The following CEP295 variants were observed in gnomAD, a reference collection of about 807,000 sequenced individuals.
The protein encoded by CEP295 is centrosomal protein 295, also known as centrosomal protein of 295 kDa.
In CEP295, 190 loss-of-function variants were observed where a neutral mutation model predicts 291.6. That is an observed-to-expected ratio of 0.65 (90% CI 0.58 to 0.73). The LOEUF is 0.73. Ranked by LOEUF, CEP295 falls within the 30% of genes least tolerant of loss-of-function variation. The pLI is 0.00. For synonymous variants in CEP295, 993 were observed against 1,038.8 expected (o/e 0.96, Z 0.85); for missense variants, 2,863 against 2,949.4 (o/e 0.97, Z 0.68).
intron 10 of CEP295, among the ~76,000 whole-genome samples, chr11:93,690,193 C>T (rs948683344): frequency 4.6e-5 from 7 of 152,172 alleles, no homozygotes; most frequent in Non-Finnish European, 7.3e-5. Context: ...GGGCAGATGA[C>T]GAGGTCAGGA....
At chr11:93,692,200 C>G (rs1477605951) in intron 12 of CEP295, among the ~76,000 whole-genome samples, 170 bp downstream of exon 12, 1 of 152,212 alleles carries the variant, frequency 6.6e-6, no homozygotes, top group Non-Finnish European at 1.5e-5. Flanking sequence ...TTTGCCCATA[C>G]TGCTCATTCA....
intron 7 of CEP295, among the ~76,000 whole-genome samples, chr11:93,682,067 T>G (rs1463968911): frequency 6.6e-6 from 1 of 152,088 alleles, no homozygotes. Context: ...TCAAACAACT[T>G]TAGATAATTA....
chr11:93,668,711 G>A (rs1406057977), intron 3 of CEP295, 97 bp from the exon 4 acceptor site: 2 of 906,326 alleles, frequency 2.2e-6, no homozygotes, highest in African/African-American at 3.4e-5. Flanking sequence ...TATGTAGAAA[G>A]AAGATGACAA....
At chr11:93,728,959 A>G (rs1325782255) in intron 25 of CEP295, 138 bp downstream of exon 25, 2 of 697,016 alleles carry the variant, frequency 2.9e-6, no homozygotes, top group Non-Finnish European at 4.6e-6. Context: ...CCAGCTCTCA[A>G]TTTGTCTTAA....
At position 93,696,820 on chromosome 11, in the gene CEP295, G is replaced by C. The variant is rs1565178565; in HGVS notation, c.1908G>C (p.Glu636Asp). ...TATCAGTGCCATCATGGAAATCTGA[G>C]AGACCGACTGCTATATCAGAGCATT... ...SVISVPSWKS[E>D]RPTAISEHWD... The change falls in exon 15 of 30, where the codon GAG becomes GAC. Residue 636 changes from glutamate to aspartate, a missense_variant. Physicochemically the swap from Glu to Asp is conservative, Grantham distance 45. Transcript: ENST00000325212. The C allele has an allele frequency of 6.4e-7, 1 of 1,551,674 alleles. No individual in the cohort carries two copies. The highest frequency in any genetic ancestry group is 8.7e-7 in the Non-Finnish European group (1 of 1,146,994).
chr11:93,729,870 G>C lies in CEP295; in HGVS notation c.7568G>C (p.Ser2523Thr), dbSNP rs1329290096. The C allele has an allele frequency of 1.3e-6, 2 of 1,543,766 alleles. No homozygotes were observed. Residue 2523 changes from serine to threonine, a missense_variant and splice_region_variant, in exon 28 of 30, where the codon AGT (serine) becomes ACT (threonine). Coordinates refer to ENST00000325212, the MANE Select transcript of CEP295 (RefSeq NM_033395.2). ...CTTGATTTCACTTTTCTTTCCTCAG[G>C]TTCATCTGTGAGTCGTCTAAAGGGC... ...IKTVKEKPSISSSVSRLKGVN... is the reference protein window; with the variant it reads ...IKTVKEKPSITSSVSRLKGVN...
chr11:93,729,036 C>T, intron 25 of CEP295: 1 of 530,968 alleles, frequency 1.9e-6, no homozygotes, highest in South Asian at 2.8e-5. Flanking sequence ...TGCCTGTCTC[C>T]AAGACTGGCA....
chr11:93,704,261 T>C (rs1952381540), intron 17 of CEP295, among the ~76,000 whole-genome samples: 1 of 152,188 alleles, frequency 6.6e-6, no homozygotes, highest in African/African-American at 2.4e-5. Context: ...AAAAAAGCTG[T>C]AATGTTAATA....
chr11:93,729,136 A>G (rs1937924987), intron 25 of CEP295: 1 of 499,022 alleles, frequency 2.0e-6, no homozygotes, highest in Non-Finnish European at 3.5e-6. Context: ...CTTCAGAACA[A>G]CTGGTAATTT....
chr11:93,715,791 C>T (rs967056368), intron 18 of CEP295, among the ~76,000 whole-genome samples: 7 of 152,060 alleles, frequency 4.6e-5, no homozygotes, highest in African/African-American at 1.7e-4. Context: ...ACAGCTAGGT[C>T]CTAGTATGGG....
In CEP295 at chr11:93,721,040, A is replaced by T. The variant is rs533856969; in HGVS notation, c.5750-272A>T. Among the ~76,000 whole-genome samples the T allele has an allele frequency of 8.5e-5, 13 of 152,300 alleles. No homozygotes were observed. In the East Asian group the frequency reaches 2.3e-3, roughly 27 times the overall value. ...TCACACTGGTTCTTTTCTAGGTTTT[A>T]GACCTAATATTCAAATTTCTTAAAG... On this transcript the variant is annotated intron_variant, in intron 18 of 29. Transcript: ENST00000325212.
At position 93,697,747 on chromosome 11, in the gene CEP295, A is replaced by G; in HGVS notation, c.2835A>G (p.Ser945=). 6.4e-7 allele frequency: 1 copy of G among 1,551,672 alleles called. No individual in the cohort carries two copies. Among genetic ancestry groups the G allele is most frequent in the Non-Finnish European group, 8.7e-7 (1 of 1,146,978 alleles). Residue 945 remains serine, a synonymous_variant, in exon 15 of 30, where the codon TCA becomes TCG. Transcript: ENST00000325212. ...KRLSLSQPIL[S]QQNNFKFLQE... is the part of the protein sequence containing the mutation. ...TGAGTCTTTCACAGCCTATCCTATC[A>G]CAGCAAAATAATTTTAAATTTCTCC...
chr11:93,688,702 T>A (rs1306604913), intron 10 of CEP295, among the ~76,000 whole-genome samples: 1 of 152,178 alleles, frequency 6.6e-6, no homozygotes, highest in Non-Finnish European at 1.5e-5. Context: ...TCTCTTTATA[T>A]CAAAACTCCC....
rs200136546 is a variant in CEP295, at chr11:93,729,979, A to ATT, written c.7667+25_7667+26dup. On this transcript the variant is annotated intron_variant, in intron 28 of 29. Transcript: ENST00000325212. Reference sequence around the variant, plus strand: ...ACCAAAGGGGTCTAAGGTAGGGTTAATTTTTTTTTTTTTTTTAGTGATTCA... The same window carrying ATT: ...ACCAAAGGGGTCTAAGGTAGGGTTAATTTTTTTTTTTTTTTTTTAGTGATTCA... The ATT allele has an allele frequency of 0.011, 14,666 of 1,378,986 alleles. 9 individuals are homozygous for ATT. The highest frequency in any genetic ancestry group is 0.016 in the Admixed American group (587 of 36,698). The allele number at this position is 1,378,986 out of a possible 1,614,324, so 85.4% of individuals were successfully genotyped here.
chr11:93,666,279 C>G (rs1950204106), intron 1 of CEP295, among the ~76,000 whole-genome samples: 1 of 152,046 alleles, frequency 6.6e-6, no homozygotes, highest in Non-Finnish European at 1.5e-5. Context: ...CTTTAAATAT[C>G]AAAAGTATTA....
intron 9 of CEP295, among the ~76,000 whole-genome samples, chr11:93,685,858 A>T (rs577152442): frequency 1.3e-5 from 2 of 151,938 alleles, no homozygotes; most frequent in South Asian, 4.2e-4. Flanking sequence ...CTACAGCCAC[A>T]CACCACCATG....
chr11:93,691,822 C>T, intron 11 of CEP295, 47 bp downstream of exon 11: 1 of 1,329,614 alleles, frequency 7.5e-7, no homozygotes, highest in Non-Finnish European at 1.0e-6. Flanking sequence ...CTCCTTGCAT[C>T]TTTTTTTTAA....
intron 15 of CEP295, 100 bp downstream of exon 15, chr11:93,700,286 G>A: frequency 1.8e-6 from 2 of 1,090,856 alleles, no homozygotes. Context: ...AGAAAAAGTA[G>A]TTTGACCTTA....
In CEP295 at chr11:93,702,900, T is replaced by A; in HGVS notation, c.5577T>A (p.Ile1859=). The A allele has an allele frequency of 6.4e-7, 1 of 1,550,698 alleles. No individual in the cohort carries two copies. Among genetic ancestry groups the A allele is most frequent in the South Asian group, 1.2e-5 (1 of 83,764 alleles). ...SAIQEVESPA[I]GRTSILGKPG... Reference sequence around the variant, plus strand: ...TACAAGAAGTAGAGTCACCAGCAATTGGCAGAACTTCTATACTAGGTAAAT... The same window carrying A: ...TACAAGAAGTAGAGTCACCAGCAATAGGCAGAACTTCTATACTAGGTAAAT... The change falls in exon 17 of 30, where the codon ATT becomes ATA. Residue 1859 remains isoleucine (I), a synonymous_variant. Transcript: ENST00000325212.
Sources: gnomAD v4.1 joint callset for allele counts (sites outside exome capture counted in the v4.1 genomes callset) on GRCh38, gnomAD v4.1.1 for gene constraint, MANE v1.5 for transcripts, NCBI Gene and HGNC (gene_info 2026-07-23, HGNC 2026-07-21) for gene names.